Variants in FHIT observed in about 807,000 individuals in gnomAD.
FHIT encodes bis(5'-adenosyl)-triphosphatase.
A neutral mutation model predicts 17.9 loss-of-function variants in FHIT; 19 were observed. The ratio of observed to expected loss-of-function variants is 1.06; its 90% CI spans 0.74 to 1.56. The LOEUF (loss-of-function observed/expected upper bound fraction) is 1.56, where lower values mean the gene tolerates loss of function less well. Ranked by LOEUF, FHIT falls within the 40% of genes most tolerant of loss-of-function variation. The pLI, the probability that FHIT is intolerant of heterozygous loss-of-function variation, is 0.00. For missense variants in FHIT, 248 were observed against 189.2 expected, an observed-to-expected ratio of 1.31 and a Z score of -1.82; for synonymous variants, 81 against 69.7, an observed-to-expected ratio of 1.16 and a Z score of -0.81.
chr3:59,808,958 G>C (rs1286480111), intron 8 of FHIT, among the ~76,000 whole-genome samples: 1 of 152,124 alleles, frequency 6.6e-6, no homozygotes, highest in Non-Finnish European at 1.5e-5. Context: ...AAAAAGCAGA[G>C]AGGAAACCCA....
chr3:60,658,546 C>A (rs2040168715), intron 4 of FHIT, among the ~76,000 whole-genome samples: 1 of 152,062 alleles, frequency 6.6e-6, no homozygotes, highest in Non-Finnish European at 1.5e-5. Context: ...TAATAACATA[C>A]AAAAACATTG....
At chr3:59,870,051 C>T (rs1352853821) in intron 8 of FHIT, among the ~76,000 whole-genome samples, 1 of 152,134 alleles carries the variant, frequency 6.6e-6, no homozygotes, top group East Asian at 1.9e-4. Flanking sequence ...CATTGTATAG[C>T]TGGGGAAACT....
At chr3:60,748,897 T>C (rs781809668) in intron 4 of FHIT, among the ~76,000 whole-genome samples, 1 of 152,234 alleles carries the variant, frequency 6.6e-6, no homozygotes. Context: ...TTGTATTGTT[T>C]AAGCAATAAT....
In FHIT at chr3:60,859,723, A is replaced by ATTTTTTTTTTTTTTT. The variant is rs71092647; in HGVS notation, c.-110-37727_-110-37713dup. On this transcript the variant is annotated intron_variant, in intron 3 of 9. Transcript: ENST00000492590. ...ACATTTGCAGTGGATTCTGAATACGATTTTTTTTTTTTTTTTTTTTTTTTT... is the reference window on the plus strand; with the variant it reads ...ACATTTGCAGTGGATTCTGAATACGATTTTTTTTTTTTTTTTTTTTTTTTTTTTTTTTTTTTTTTT... 5.2e-4 allele frequency among the ~76,000 whole-genome samples: 27 copies of ATTTTTTTTTTTTTTT among 51,926 alleles called. 4 individuals are homozygous for ATTTTTTTTTTTTTTT. The highest frequency in any genetic ancestry group is 1.0e-3 in the Admixed American group (3 of 3,000). 34.1% of individuals were successfully genotyped at this position (51,926 alleles called of 152,430 possible).
intron 2 of FHIT, among the ~76,000 whole-genome samples, chr3:61,042,535 T>G (rs2033569450): frequency 6.6e-6 from 1 of 152,128 alleles, no homozygotes; most frequent in African/African-American, 2.4e-5. Context: ...ATTTGACATT[T>G]TACACAATAA....
chr3:60,355,846 T>G (rs1699632382), intron 5 of FHIT, among the ~76,000 whole-genome samples: 1 of 152,134 alleles, frequency 6.6e-6, no homozygotes, highest in African/African-American at 2.4e-5. Context: ...GTAACCTTAT[T>G]TAGAGAGTAG....
chr3:60,537,018 A>C, intron 4 of FHIT, 39 bp from the exon 5 acceptor site: 1 of 1,557,740 alleles, frequency 6.4e-7, no homozygotes, highest in Non-Finnish European at 8.7e-7. Flanking sequence ...AAATTCAATT[A>C]AGAAACTCAG....
intron 4 of FHIT, among the ~76,000 whole-genome samples, chr3:60,747,910 G>C (rs1231817167): frequency 6.6e-6 from 1 of 152,206 alleles, no homozygotes; most frequent in Non-Finnish European, 1.5e-5. Flanking sequence ...ATCCCAGGTA[G>C]AGTAAAAACA....
intron 8 of FHIT, among the ~76,000 whole-genome samples, chr3:59,841,419 A>G (rs973126828): frequency 1.3e-5 from 2 of 152,204 alleles, no homozygotes; most frequent in Non-Finnish European, 2.9e-5. Context: ...TAAAGACCAT[A>G]CATTTCTTGG....
At chr3:61,072,462 T>C (rs2034836657) in intron 2 of FHIT, among the ~76,000 whole-genome samples, 1 of 152,186 alleles carries the variant, frequency 6.6e-6, no homozygotes, top group Non-Finnish European at 1.5e-5. Context: ...TTTCTTCACA[T>C]TTAAGAAAAC....
intron 2 of FHIT, among the ~76,000 whole-genome samples, chr3:61,133,729 C>A (rs866854563): frequency 9.2e-5 from 14 of 152,102 alleles, no homozygotes; most frequent in Middle Eastern, 6.8e-3. Flanking sequence ...AATAATACAG[C>A]AAAAATACTG....
intron 5 of FHIT, among the ~76,000 whole-genome samples, chr3:60,146,639 C>G (rs568006148): frequency 1.3e-5 from 2 of 152,136 alleles, no homozygotes; most frequent in Non-Finnish European, 2.9e-5. Context: ...TACGTTCAAA[C>G]CATTTGGATG....
chr3:60,344,746 T>C lies in FHIT; in HGVS notation c.103+192114A>G, dbSNP rs117612612. On this transcript the variant is annotated intron_variant, in intron 5 of 9. Transcript: ENST00000492590. Reference sequence around the variant, plus strand: ...ATCTTTCAAGATTTTTTTTTCTAATTGAAAAATAAGCCACACGAAAACTGT... The same window carrying C: ...ATCTTTCAAGATTTTTTTTTCTAATCGAAAAATAAGCCACACGAAAACTGT... Among the ~76,000 whole-genome samples the C allele has an allele frequency of 2.2e-3, 337 of 152,266 alleles. 13 individuals carry two copies. The East Asian group carries it at 0.062, about 28-fold the overall frequency.
At chr3:60,019,707 C>T (rs1251405329) in intron 5 of FHIT, among the ~76,000 whole-genome samples, 5 of 152,130 alleles carry the variant, frequency 3.3e-5, no homozygotes, top group Non-Finnish European at 7.3e-5. Context: ...CATGAGCCGC[C>T]GTGCCCAGCC....
At chr3:61,055,123 A>G (rs2034172484) in intron 2 of FHIT, among the ~76,000 whole-genome samples, 1 of 152,020 alleles carries the variant, frequency 6.6e-6, no homozygotes, top group South Asian at 2.1e-4. Context: ...TCAGGAAAAA[A>G]AGGCATCTGT....
chr3:59,797,895 G>A (rs1390807816), intron 8 of FHIT, among the ~76,000 whole-genome samples: 5 of 152,192 alleles, frequency 3.3e-5, no homozygotes, highest in South Asian at 2.1e-4. Context: ...AATGAAAATC[G>A]TTACATTTGC....
intron 1 of FHIT, among the ~76,000 whole-genome samples, chr3:61,222,037 C>T (rs1451621842): frequency 6.6e-6 from 1 of 152,220 alleles, no homozygotes; most frequent in African/African-American, 2.4e-5. Context: ...TGGCCCAGTG[C>T]TCGGATGGCC....
chr3:60,684,789 C>G (rs1553697944), intron 4 of FHIT, among the ~76,000 whole-genome samples: 1 of 152,026 alleles, frequency 6.6e-6, no homozygotes, highest in Non-Finnish European at 1.5e-5. Context: ...ATTAGTTTCT[C>G]AAAAGTGCTC....
At chr3:60,624,004 C>G (rs552217478) in intron 4 of FHIT, among the ~76,000 whole-genome samples, 1 of 152,140 alleles carries the variant, frequency 6.6e-6, no homozygotes, top group Non-Finnish European at 1.5e-5. Context: ...TATGGCAGAA[C>G]ATGCTAAGTA....
Sources: gnomAD v4.1 joint callset for allele counts (sites outside exome capture counted in the v4.1 genomes callset) on GRCh38, gnomAD v4.1.1 for gene constraint, MANE v1.5 for transcripts, NCBI Gene and HGNC (gene_info 2026-07-23, HGNC 2026-07-21) for gene names.